SDR9C7: variants seen among roughly 807,000 people sequenced by gnomAD.
SDR9C7 encodes the protein short chain dehydrogenase/reductase family 9C member 7.
In SDR9C7, 11 loss-of-function variants were observed where a neutral mutation model predicts 23.6. That is an observed-to-expected ratio of 0.47 (90% confidence interval 0.29 to 0.77). The LOEUF (loss-of-function observed/expected upper bound fraction) is 0.77. Ranked by LOEUF, SDR9C7 falls within the 30% of genes least tolerant of loss-of-function variation. The probability of loss-of-function intolerance (pLI) is 0.09; values close to 1 mark genes in which losing one functional copy is unlikely to be tolerated. For missense variants in SDR9C7, 387 were observed against 407.1 expected, an observed-to-expected ratio of 0.95 and a Z score of 0.42; for synonymous variants, 167 against 157.3, an observed-to-expected ratio of 1.06 and a Z score of -0.46.
At chr12:56,927,117 CT>C (rs1317853901) in intron 3 of SDR9C7, among the ~76,000 whole-genome samples, 1 of 152,186 alleles carries the variant, frequency 6.6e-6, no homozygotes, top group Non-Finnish European at 1.5e-5. Flanking sequence ...AAATTTTCCT[CT>C]GAAATTATGG....
Position 56,934,211 on chromosome 12 carries a change from G to T in SDR9C7, c.51C>A (p.Cys17Ter). The change falls in exon 1 of 4, where the codon TGC becomes TGA. Residue 17 changes from cysteine to a stop codon, truncating the protein, a stop_gained. Coordinates refer to ENST00000293502, the MANE Select transcript of SDR9C7 (RefSeq NM_148897.3). LOFTEE classifies it high-confidence loss of function. The stretch of plus-strand genomic sequence containing the variant: ...TCTCTGAGAGGTTGCCAACCAGATT[G>T]CAGTTCTTGAACCAGCGATACATAA... ...LSFMYRWFKN[C>*]NLVGNLSEKY... The T allele has an allele frequency of 6.2e-7, 1 of 1,614,204 alleles. No homozygotes were observed. Among genetic ancestry groups the T allele is most frequent in the Non-Finnish European group, 8.5e-7 (1 of 1,180,036 alleles).
At position 56,923,294 on chromosome 12, in the gene SDR9C7, A is replaced by G. The variant is rs1284258405; in HGVS notation, c.*539T>C. On this transcript the variant is annotated 3_prime_UTR_variant, in exon 4 of 4. Transcript: ENST00000293502. ...GTGGATCCCAATAACCTATAGATAG[A>G]AGAATCTAAAAAGAAAGAAAATATT... The G allele has an allele frequency of 2.0e-5, 3 of 152,550 alleles. No homozygotes were observed. Among genetic ancestry groups the G allele is most frequent in the African/African-American group, 2.4e-5 (1 of 41,592 alleles). 9.4% of individuals were successfully genotyped at this position (152,550 alleles called of 1,614,324 possible).
At chr12:56,931,166 C>T (rs1459534602) in intron 1 of SDR9C7, among the ~76,000 whole-genome samples, 1 of 152,036 alleles carries the variant, frequency 6.6e-6, no homozygotes, top group East Asian at 1.9e-4. Context: ...GCCCGGGTTA[C>T]AGGTTACCTT....
In SDR9C7 at chr12:56,933,998, CG is replaced by C; in HGVS notation, c.263del (p.Ala88GlyfsTer6). 6.2e-7 allele frequency: 1 copy of C among 1,611,342 alleles called. No homozygotes were observed. Among genetic ancestry groups the C allele is most frequent in the South Asian group, 1.1e-5 (1 of 91,050 alleles). ...LDVTKSESIK[A>X]AAQWVRDKVG... ...CTTTGTCCCTCACCCACTGGGCCGC[CG>C]CCTTGATGCTTTCGCTCTTGGTGAC... On this transcript the variant is annotated frameshift_variant, in exon 1 of 4. Coordinates refer to ENST00000293502, the MANE Select transcript of SDR9C7 (RefSeq NM_148897.3). LOFTEE classifies it high-confidence loss of function.
intron 3 of SDR9C7, among the ~76,000 whole-genome samples, chr12:56,927,081 T>C (rs1176514581): frequency 6.6e-6 from 1 of 152,236 alleles, no homozygotes; most frequent in Non-Finnish European, 1.5e-5. Context: ...AAAACGTTTA[T>C]CTAAATGTAG....
intron 3 of SDR9C7, among the ~76,000 whole-genome samples, chr12:56,924,698 A>G (rs936831164): frequency 2.6e-5 from 4 of 152,206 alleles, no homozygotes; most frequent in South Asian, 2.1e-4. Context: ...AGCCAGGCCA[A>G]TCACCTGAGG....
At chr12:56,928,148 C>G (rs1331225606) in intron 3 of SDR9C7, among the ~76,000 whole-genome samples, 1 of 152,162 alleles carries the variant, frequency 6.6e-6, no homozygotes. Flanking sequence ...ATAGCTTCCT[C>G]TCCCTCACCC....
intron 1 of SDR9C7, among the ~76,000 whole-genome samples, chr12:56,931,323 A>G (rs1565613911): frequency 6.6e-6 from 1 of 152,178 alleles, no homozygotes; most frequent in Admixed American, 6.5e-5. Flanking sequence ...AAAATGAACA[A>G]CACAGCATCT....
At chr12:56,925,243 A>G (rs11172064) in intron 3 of SDR9C7, among the ~76,000 whole-genome samples, 22,172 of 152,046 alleles carry the variant, frequency 0.15, 1,751 homozygotes, top group Middle Eastern at 0.23. Flanking sequence ...GCACCCAAAT[A>G]GTACAAGTCT....
rs1427914612 is a variant in SDR9C7 at position 56,923,898 on chromosome 12, A to T, written c.877T>A (p.Leu293Met). 3 of 1,614,174 alleles carry T rather than the reference A, an allele frequency of 1.9e-6. No individual in the cohort carries two copies. The highest frequency in any genetic ancestry group is 1.7e-6 in the Non-Finnish European group (2 of 1,180,022). Residue 293 changes from leucine to methionine, a missense_variant, in exon 4 of 4, where the codon TTG becomes ATG. Leu to Met is a conservative substitution (Grantham distance 15). Transcript: ENST00000293502. ...ATGAAATCTGTCACAGGGGTGGGCA[A>T]CTTAGCCAGAGGGATGTAGAGGAGT... ...AKLLYIPLAK[L>M]PTPVTDFILS...
rs1293930414 is a variant in SDR9C7 at position 56,923,869 on chromosome 12, T to C, written c.906A>G (p.Leu302=). The change falls in exon 4 of 4, where the codon CTA becomes CTG. Residue 302 remains leucine, a synonymous_variant. Transcript: ENST00000293502. ...CCGCTGGCCTTGGAAGGTACCGGCT[T>C]AGGATGAAATCTGTCACAGGGGTGG... ...KLPTPVTDFI[L]SRYLPRPADS... 3 of 1,613,576 alleles carry C rather than the reference T, an allele frequency of 1.9e-6. No homozygotes were observed. The African/African-American group carries it at 4.0e-5, about 22-fold the overall frequency.
intron 3 of SDR9C7, among the ~76,000 whole-genome samples, chr12:56,925,882 G>A (rs1035817122): frequency 2.0e-5 from 3 of 152,204 alleles, no homozygotes; most frequent in Admixed American, 6.5e-5. Flanking sequence ...GGTTCTGAGA[G>A]GTGGGGAGGG....
At chr12:56,932,939 G>C (rs954958624) in intron 1 of SDR9C7, among the ~76,000 whole-genome samples, 1 of 152,148 alleles carries the variant, frequency 6.6e-6, no homozygotes, top group Non-Finnish European at 1.5e-5. Flanking sequence ...CCTGCGCATG[G>C]GCTCCAGACT....
chr12:56,924,740 G>C (rs1955721979), intron 3 of SDR9C7, among the ~76,000 whole-genome samples: 1 of 152,206 alleles, frequency 6.6e-6, no homozygotes, highest in Non-Finnish European at 1.5e-5. Flanking sequence ...GGCCAACATG[G>C]TGACACCTTG....
chr12:56,930,097 C>T (rs950086417), intron 2 of SDR9C7, 129 bp downstream of exon 2: 36 of 1,158,250 alleles, frequency 3.1e-5, no homozygotes, highest in Non-Finnish European at 4.3e-5. Flanking sequence ...ACCTTGAGGT[C>T]TAACCTTCCT....
rs538068583 is a variant in SDR9C7, at chr12:56,930,431, C to T, written c.355G>A (p.Glu119Lys). 4.3e-6 allele frequency: 7 copies of T among 1,614,164 alleles called. No homozygotes were observed. Among genetic ancestry groups the T allele is most frequent in the Non-Finnish European group, 5.9e-6 (7 of 1,180,020 alleles). The change falls in exon 2 of 4, where the codon GAA becomes AAA. Residue 119 changes from glutamate to lysine, a missense_variant. Coordinates refer to ENST00000293502, the MANE Select transcript of SDR9C7 (RefSeq NM_148897.3). ...ACAAAGTCATCCTTGGTCAGCCATT[C>T]GTTGGGACCACTGGGCAGGCCCACA... ...AGVGLPSGPN[E>K]WLTKDDFVKV... is the part of the protein sequence containing the mutation.
rs777423521 is a variant in SDR9C7 at position 56,923,776 on chromosome 12, C to T, written c.*57G>A. 6.8e-5 allele frequency: 93 copies of T among 1,368,520 alleles called. No homozygotes were observed. Among genetic ancestry groups the T allele is most frequent in the Middle Eastern group, 2.3e-4 (1 of 4,430 alleles). 84.8% of individuals were successfully genotyped at this position (1,368,520 alleles called of 1,614,324 possible). On this transcript the variant is annotated 3_prime_UTR_variant, in exon 4 of 4. Transcript: ENST00000293502. ...ACCGATACCACCTTTTGTGACCCCA[C>T]GGTCCTTCCTTCCTCCCCCACTTCT...
chr12:56,927,493 C>T (rs1565613082), intron 3 of SDR9C7, among the ~76,000 whole-genome samples: 1 of 152,236 alleles, frequency 6.6e-6, no homozygotes, highest in East Asian at 1.9e-4. Flanking sequence ...GGACCTATGC[C>T]TCCCCCACAC....
chr12:56,933,023 G>C (rs1175668267), intron 1 of SDR9C7, among the ~76,000 whole-genome samples: 2 of 152,112 alleles, frequency 1.3e-5, no homozygotes, highest in African/African-American at 2.4e-5. Context: ...TCCTGTTCCT[G>C]GGCCCACACC....
Sources: gnomAD v4.1 joint callset for allele counts (sites outside exome capture counted in the v4.1 genomes callset) on GRCh38, gnomAD v4.1.1 for gene constraint, MANE v1.5 for transcripts, NCBI Gene and HGNC (gene_info 2026-07-23, HGNC 2026-07-21) for gene names.